The following IGF1R variants were observed in gnomAD, a reference collection of about 807,000 sequenced individuals.
IGF1R encodes the protein insulin like growth factor 1 receptor, also known as insulin-like growth factor 1 receptor.
IGF1R carries 44 observed loss-of-function variants against 144.6 expected under a neutral mutation model. The ratio of observed to expected loss-of-function variants is 0.30; its 90% CI spans 0.24 to 0.39. IGF1R has a LOEUF of 0.39. IGF1R is among the 10% of genes least tolerant of loss of function. The probability of loss-of-function intolerance (pLI) is 1.00; values close to 1 mark genes in which losing one functional copy is unlikely to be tolerated. For missense variants in IGF1R, 1,355 were observed against 1,833.7 expected (o/e 0.74, Z 4.77); for synonymous variants, 795 against 722.8 (o/e 1.10, Z -1.60).
intron 2 of IGF1R, among the ~76,000 whole-genome samples, chr15:98,762,421 A>T (rs2055328114): frequency 6.6e-6 from 1 of 152,060 alleles, no homozygotes; most frequent in Non-Finnish European, 1.5e-5. Context: ...TAAATGAAAA[A>T]ATATTTCAAA....
chr15:98,736,634 CAG>C (rs928162471), intron 2 of IGF1R, among the ~76,000 whole-genome samples: 2 of 135,250 alleles, frequency 1.5e-5, no homozygotes, highest in African/African-American at 5.4e-5. Flanking sequence ...TTTTTTGAGA[CAG>C]AGTTTCACTT....
At chr15:98,862,717 A>G (rs764731650) in intron 2 of IGF1R, among the ~76,000 whole-genome samples, 2 of 152,242 alleles carry the variant, frequency 1.3e-5, no homozygotes, top group Non-Finnish European at 1.5e-5. Flanking sequence ...ATGTATCCTT[A>G]TAGTTCAAAG....
chr15:98,962,645 A>G lies in IGF1R; in HGVS notation c.*5203A>G, dbSNP rs931060475. The G allele has an allele frequency of 3.8e-5, 9 of 233,836 alleles. No homozygotes were observed. Among genetic ancestry groups the G allele is most frequent in the Non-Finnish European group, 7.6e-5 (9 of 118,132 alleles). The allele number at this position is 233,836 out of a possible 1,614,324, so 14.5% of individuals were successfully genotyped here. A position where few individuals can be genotyped will look rare whatever the true frequency, so the allele number is the denominator to read the frequency against. On this transcript the variant is annotated 3_prime_UTR_variant, in exon 21 of 21. Coordinates refer to ENST00000650285, the MANE Select transcript of IGF1R (RefSeq NM_000875.5). Reference sequence around the variant, plus strand: ...GGAATGACCGGGTGGTGGGTACAGAACCATTGTCACAGGGATCCTGGCACA... The same window carrying G: ...GGAATGACCGGGTGGTGGGTACAGAGCCATTGTCACAGGGATCCTGGCACA...
At chr15:98,852,554 C>T (rs1166887102) in intron 2 of IGF1R, among the ~76,000 whole-genome samples, 3 of 152,158 alleles carry the variant, frequency 2.0e-5, no homozygotes, top group East Asian at 1.9e-4. Flanking sequence ...GGGAGGCGAT[C>T]ACCAGAGCAG....
At chr15:98,923,786 G>T in intron 11 of IGF1R, 90 bp from the exon 12 acceptor site, 5 of 1,033,938 alleles carry the variant, frequency 4.8e-6, no homozygotes, top group Non-Finnish European at 7.7e-6. Flanking sequence ...CTGCCCGTGT[G>T]GATGGGGGGG....
Position 98,764,167 on chromosome 15 carries a change from A to G in IGF1R, c.640+56060A>G, listed in dbSNP as rs559375238. ...GTCTTCACTACAGGATTAGCTTTTC[A>G]TTACTTAGTAGAGCTTTTAATTACC... On this transcript the variant is annotated intron_variant, in intron 2 of 20. Coordinates refer to ENST00000650285, the MANE Select transcript of IGF1R (RefSeq NM_000875.5). Among the ~76,000 whole-genome samples, 5 of 152,322 alleles carry G rather than the reference A, an allele frequency of 3.3e-5. No individual in the cohort carries two copies. The East Asian group carries it at 9.6e-4, about 29-fold the overall frequency.
intron 17 of IGF1R, among the ~76,000 whole-genome samples, chr15:98,937,720 C>G (rs1567210896): frequency 6.6e-6 from 1 of 152,216 alleles, no homozygotes; most frequent in African/African-American, 2.4e-5. Context: ...AATTTCAGCC[C>G]TCTGTCTTTC....
chr15:98,945,134 A>C (rs1487683161), intron 19 of IGF1R, among the ~76,000 whole-genome samples: 1 of 152,230 alleles, frequency 6.6e-6, no homozygotes, highest in Non-Finnish European at 1.5e-5. Flanking sequence ...AAACCAGACG[A>C]AGGACTGGGG....
intron 1 of IGF1R, among the ~76,000 whole-genome samples, chr15:98,674,160 A>T (rs1408815371): frequency 1.3e-5 from 2 of 152,078 alleles, no homozygotes; most frequent in African/African-American, 4.8e-5. Context: ...ACTATACAGG[A>T]AATCTGATTG....
chr15:98,938,898 G>A (rs1399235789), intron 17 of IGF1R, among the ~76,000 whole-genome samples: 1 of 152,174 alleles, frequency 6.6e-6, no homozygotes, highest in African/African-American at 2.4e-5. Flanking sequence ...AAAATGGCTT[G>A]TTTCACTTTA....
intron 2 of IGF1R, among the ~76,000 whole-genome samples, chr15:98,784,175 G>C (rs914848479): frequency 6.6e-6 from 1 of 151,756 alleles, no homozygotes; most frequent in Non-Finnish European, 1.5e-5. Flanking sequence ...GAGTTTCACC[G>C]TGTTGACCAG....
chr15:98,850,745 T>TGG (rs369684794), intron 2 of IGF1R, among the ~76,000 whole-genome samples: 30 of 149,038 alleles, frequency 2.0e-4, no homozygotes, highest in African/African-American at 6.2e-4. Context: ...TGGCACTTGG[T>TGG]GGGGGGGGGT....
At chr15:98,650,173 G>A (rs1230441259) in intron 1 of IGF1R, among the ~76,000 whole-genome samples, 3 of 152,168 alleles carry the variant, frequency 2.0e-5, no homozygotes, top group Admixed American at 2.0e-4. Context: ...CGCCCGGCCC[G>A]CGGGGTGCGA....
intron 2 of IGF1R, among the ~76,000 whole-genome samples, chr15:98,715,651 G>T (rs910149786): frequency 6.6e-6 from 1 of 152,174 alleles, no homozygotes; most frequent in African/African-American, 2.4e-5. Flanking sequence ...CTCAACTTGC[G>T]TGTATAGGGT....
rs886051623 is a variant in IGF1R, at chr15:98,964,173, G to A, written c.*6731G>A. The A allele has an allele frequency of 1.6e-4, 38 of 231,838 alleles. No individual in the cohort carries two copies. Among genetic ancestry groups the A allele is most frequent in the Middle Eastern group, 1.3e-3 (1 of 800 alleles). The allele number at this position is 231,838 out of a possible 1,614,324, so 14.4% of individuals were successfully genotyped here. A position where few individuals can be genotyped will look rare whatever the true frequency, so the allele number is the denominator to read the frequency against. Reference sequence around the variant, plus strand: ...GAAGGCGGGATGGAATGGATGCACCGCAAATAATGCATTTTCTGAGTTTTC... The same window carrying A: ...GAAGGCGGGATGGAATGGATGCACCACAAATAATGCATTTTCTGAGTTTTC... On this transcript the variant is annotated 3_prime_UTR_variant, in exon 21 of 21. Transcript: ENST00000650285.
At chr15:98,687,094 A>G (rs2053348136) in intron 1 of IGF1R, among the ~76,000 whole-genome samples, 2 of 152,230 alleles carry the variant, frequency 1.3e-5, no homozygotes, top group South Asian at 4.1e-4. Context: ...CATGTGAACA[A>G]GAGCAACTGA....
chr15:98,798,301 G>A (rs1443027487), intron 2 of IGF1R, among the ~76,000 whole-genome samples: 1 of 152,120 alleles, frequency 6.6e-6, no homozygotes, highest in African/African-American at 2.4e-5. Flanking sequence ...AAGACCTAAA[G>A]GAAAGGGAAG....
intron 7 of IGF1R, 118 bp from the exon 8 acceptor site, chr15:98,912,926 T>A: frequency 1.4e-6 from 1 of 714,056 alleles, no homozygotes; most frequent in South Asian, 1.5e-5. Context: ...TCTAATTGAT[T>A]ATTTGTTTAT....
chr15:98,941,037 G>A (rs1568501), intron 18 of IGF1R, among the ~76,000 whole-genome samples: 97,807 of 152,136 alleles, frequency 0.64, 31,822 homozygotes, highest in African/African-American at 0.75. Context: ...CATTGTCCCC[G>A]TGGAAATGCC....
Sources: allele counts gnomAD v4.1 joint callset (sites outside exome capture counted in the v4.1 genomes callset), GRCh38; gene constraint gnomAD v4.1.1; transcripts MANE v1.5; gene names NCBI Gene and HGNC (gene_info 2026-07-23, HGNC 2026-07-21).